Variants in C1GALT1C1L observed in about 807,000 individuals in gnomAD.
C1GALT1C1L encodes C1GALT1-specific chaperone 1-like protein.
Under a neutral mutation model 0.5 loss-of-function variants are expected in C1GALT1C1L, and 1 was observed. That is an observed-to-expected ratio of 2.11 (90% CI 0.75 to 10.02). The LOEUF (loss-of-function observed/expected upper bound fraction) is 10.02. C1GALT1C1L is among the 30% of genes most tolerant of loss of function. C1GALT1C1L has a pLI of 0.13. For synonymous variants in C1GALT1C1L, 148 were observed against 132.6 expected, an observed-to-expected ratio of 1.12 and a Z score of -0.80; for missense variants, 444 against 375.5, an observed-to-expected ratio of 1.18 and a Z score of -1.51.
chr2:43,675,797 G>C lies in C1GALT1C1L; in HGVS notation c.526C>G (p.Leu176Val). 4 of 1,613,744 alleles carry C rather than the reference G, an allele frequency of 2.5e-6. No homozygotes were observed. In the South Asian group the frequency reaches 3.3e-5, roughly 13 times the overall value. Residue 176 changes from leucine (L) to valine (V), a missense_variant, in exon 1 of 1, where the codon CTC becomes GTC. Coordinates refer to ENST00000475092, the MANE Select transcript of C1GALT1C1L (RefSeq NM_001101330.3). ...YLGHTVIFGD[L>V]EYVTVEGGIV... Reference sequence around the variant, plus strand: ...CCTCCTTCCACAGTCACGTATTCGAGGTCTCCAAATATAACAGTGTGGCCC... The same window carrying C: ...CCTCCTTCCACAGTCACGTATTCGACGTCTCCAAATATAACAGTGTGGCCC...
Position 43,675,809 on chromosome 2 carries a change from T to C in C1GALT1C1L, c.514A>G (p.Ile172Val), listed in dbSNP as rs142882858. ...SQPFYLGHTVIFGDLEYVTVE... is the reference protein window; with the variant it reads ...SQPFYLGHTVVFGDLEYVTVE... ...GTCACGTATTCGAGGTCTCCAAATA[T>C]AACAGTGTGGCCCAGATAGAAGGGC... is the stretch of plus-strand genomic sequence containing the variant. The change falls in exon 1 of 1, where the codon ATA becomes GTA. Residue 172 changes from isoleucine to valine, a missense_variant. By Grantham distance (29) the Ile-to-Val change is conservative. Coordinates refer to ENST00000475092, the MANE Select transcript of C1GALT1C1L (RefSeq NM_001101330.3). The C allele has an allele frequency of 1.9e-6, 3 of 1,613,918 alleles. No homozygotes were observed. The highest frequency in any genetic ancestry group is 1.3e-5 in the African/African-American group (1 of 75,028).
Position 43,675,195 on chromosome 2 carries a change from A to G in C1GALT1C1L, c.*180T>C. On this transcript the variant is annotated 3_prime_UTR_variant, in exon 1 of 1. Transcript: ENST00000475092. The stretch of plus-strand genomic sequence containing the variant: ...TTATTTAATGCAAAATATCCAAAAC[A>G]TTATTTCAATGTGGAGTCAATATGA... 1 of 445,694 alleles carries G rather than the reference A, an allele frequency of 2.2e-6. No homozygotes were observed. The highest frequency in any genetic ancestry group is 3.9e-6 in the Non-Finnish European group (1 of 255,724). 27.6% of individuals were successfully genotyped at this position (445,694 alleles called of 1,614,324 possible). A position where few individuals can be genotyped will look rare whatever the true frequency, so the allele number is the denominator to read the frequency against.
chr2:43,676,052 A>G lies in C1GALT1C1L; in HGVS notation c.271T>C (p.Trp91Arg). Residue 91 changes from tryptophan (W) to arginine (R), a missense_variant, in exon 1 of 1, where the codon TGG becomes CGG. By Grantham distance (101) the Trp-to-Arg change is moderately radical. Transcript: ENST00000475092. ...ESYWAVLKETWTKHCDKAELY... is the reference protein window; with the variant it reads ...ESYWAVLKETRTKHCDKAELY... ...TCTGCTTTGTCACAGTGTTTGGTCC[A>G]GGTCTCTTTCAGTACAGCCCAGTAA... is the stretch of plus-strand genomic sequence containing the variant. The G allele has an allele frequency of 6.2e-7, 1 of 1,613,986 alleles. No homozygotes were observed. Among genetic ancestry groups the G allele is most frequent in the African/African-American group, 1.3e-5 (1 of 75,034 alleles).
chr2:43,676,051 C>T, the C1GALT1C1L span: 8 of 1,613,926 alleles, frequency 5.0e-6, no homozygotes, highest in Non-Finnish European at 4.2e-6. Context: ...GTGTTTGGTC[C>T]AGGTCTCTTT....
rs146910932 is a variant in C1GALT1C1L at position 43,675,330 on chromosome 2, A to T, written c.*45T>A. On this transcript the variant is annotated 3_prime_UTR_variant, in exon 1 of 1. Coordinates refer to ENST00000475092, the MANE Select transcript of C1GALT1C1L (RefSeq NM_001101330.3). ...CTGTATCAGAATTTGGACTAGCCAC[A>T]TTTCAAGTGCTCTTGGACAGCACAG... The T allele has an allele frequency of 3.0e-4, 418 of 1,382,584 alleles. No homozygotes were observed. The African/African-American group carries it at 5.7e-3, about 19-fold the overall frequency. The allele number at this position is 1,382,584 out of a possible 1,614,324, so 85.6% of individuals were successfully genotyped here.
Position 43,675,550 on chromosome 2 carries a change from T to C in C1GALT1C1L, c.773A>G (p.Asn258Ser), listed in dbSNP as rs749577300. The C allele has an allele frequency of 3.1e-6, 5 of 1,613,966 alleles. No individual in the cohort carries two copies. Among genetic ancestry groups the C allele is most frequent in the Admixed American group, 3.3e-5 (2 of 60,016 alleles). Residue 258 changes from asparagine to serine, a missense_variant, in exon 1 of 1, where the codon AAT (asparagine) becomes AGT (serine). Asn to Ser is a conservative substitution (Grantham distance 46). Transcript: ENST00000475092. ...GCCTTCTACTACTTGCTGAGGGTTA[T>C]TAGACAATGCCTCTTCAATAAGCTG... The part of the protein sequence containing the change: ...IAQLIEEALS[N>S]NPQQVVEGCC...
rs759068464 is a variant in C1GALT1C1L, at chr2:43,675,487, G to A, written c.836C>T (p.Thr279Ile). Residue 279 changes from threonine to isoleucine, a missense_variant, in exon 1 of 1, where the codon ACC (threonine) becomes ATC (isoleucine). Physicochemically the swap from Thr to Ile is moderately conservative, Grantham distance 89. Transcript: ENST00000475092. ...CATCATTACTTCCATCTTTTGGGGG[G>A]TCAGTCCATTGAAAGTAATAGCCAT... Reference protein sequence around the residue: ...SDMAITFNGLTPQKMEVMMYG... With the variant: ...SDMAITFNGLIPQKMEVMMYG... 3.1e-6 allele frequency: 5 copies of A among 1,613,808 alleles called. No individual in the cohort carries two copies. The highest frequency in any genetic ancestry group is 2.2e-5 in the East Asian group (1 of 44,890).
Position 43,675,960 on chromosome 2 carries a change from C to T in C1GALT1C1L, c.363G>A (p.Arg121=), listed in dbSNP as rs756926163. 6.2e-7 allele frequency: 1 copy of T among 1,613,836 alleles called. No individual in the cohort carries two copies. The highest frequency in any genetic ancestry group is 8.5e-7 in the Non-Finnish European group (1 of 1,179,890). ...IESNDRWVQM[R]TAYKYVFEKY... is the part of the protein sequence containing the mutation. ...TTTCAAAGACGTATTTGTAAGCGGT[C>T]CTCATCTGTACCCACCTGTCATTAC... Residue 121 remains arginine, a synonymous_variant, in exon 1 of 1, where the codon AGG becomes AGA. Transcript: ENST00000475092.
rs752004306 is a variant in C1GALT1C1L at position 43,675,780 on chromosome 2, C to T, written c.543G>A (p.Val181=). Residue 181 remains valine, a synonymous_variant, in exon 1 of 1, where the codon GTG becomes GTA. Transcript: ENST00000475092. ...CTCTGCTTAAGACAATCCCTCCTTC[C>T]ACAGTCACGTATTCGAGGTCTCCAA... ...VIFGDLEYVT[V]EGGIVLSREL... 2 of 1,613,644 alleles carry T rather than the reference C, an allele frequency of 1.2e-6. No homozygotes were observed. The highest frequency in any genetic ancestry group is 1.3e-5 in the African/African-American group (1 of 75,014).
chr2:43,676,199 G>C lies in C1GALT1C1L; in HGVS notation c.124C>G (p.His42Asp). Residue 42 changes from histidine to aspartate, a missense_variant, in exon 1 of 1, where the codon CAC becomes GAC. Physicochemically the swap from His to Asp is moderately conservative, Grantham distance 81. Coordinates refer to ENST00000475092, the MANE Select transcript of C1GALT1C1L (RefSeq NM_001101330.3). ...RHRGQTQDHE[H>D]HHLRPPNRND... Reference sequence around the variant, plus strand: ...CTGTTAGGTGGACGAAGGTGATGGTGCTCGTGGTCTTGAGTTTGACCTCTG... The same window carrying C: ...CTGTTAGGTGGACGAAGGTGATGGTCCTCGTGGTCTTGAGTTTGACCTCTG... 6.2e-7 allele frequency: 1 copy of C among 1,614,028 alleles called. No individual in the cohort carries two copies.
Position 43,675,351 on chromosome 2 carries a change from C to G in C1GALT1C1L, c.*24G>C. The G allele has an allele frequency of 6.6e-7, 1 of 1,518,212 alleles. No individual in the cohort carries two copies. Among genetic ancestry groups the G allele is most frequent in the South Asian group, 1.3e-5 (1 of 75,412 alleles). 94.0% of individuals were successfully genotyped at this position (1,518,212 alleles called of 1,614,324 possible). A position where few individuals can be genotyped will look rare whatever the true frequency, so the allele number is the denominator to read the frequency against. ...CCACATTTCAAGTGCTCTTGGACAG[C>G]ACAGGTCTATTATTCTCCAGGCCTC... On this transcript the variant is annotated 3_prime_UTR_variant, in exon 1 of 1. Transcript: ENST00000475092.
At position 43,676,017 on chromosome 2, in the gene C1GALT1C1L, A is replaced by G. The variant is rs997039651; in HGVS notation, c.306T>C (p.Asp102=). 1.9e-6 allele frequency: 3 copies of G among 1,613,982 alleles called. No homozygotes were observed. The highest frequency in any genetic ancestry group is 1.7e-6 in the Non-Finnish European group (2 of 1,179,888). ...TKHCDKAELY[D]TKNDNLFNIE... Reference sequence around the variant, plus strand: ...TATTGAACAAATTATCATTTTTAGTATCGTAGAGCTCTGCTTTGTCACAGT... The same window carrying G: ...TATTGAACAAATTATCATTTTTAGTGTCGTAGAGCTCTGCTTTGTCACAGT... Residue 102 remains aspartate, a synonymous_variant, in exon 1 of 1, where the codon GAT becomes GAC. Transcript: ENST00000475092.
chr2:43,675,567 A>T lies in C1GALT1C1L; in HGVS notation c.756T>A (p.Ile252=), dbSNP rs1355559255. Residue 252 remains isoleucine, a synonymous_variant, in exon 1 of 1, where the codon ATT becomes ATA. Coordinates refer to ENST00000475092, the MANE Select transcript of C1GALT1C1L (RefSeq NM_001101330.3). ...VFNTKPIAQL[I]EEALSNNPQQ... ...GAGGGTTATTAGACAATGCCTCTTC[A>T]ATAAGCTGTGCGATTGGTTTTGTAT... is the stretch of plus-strand genomic sequence containing the variant. 6.2e-7 allele frequency: 1 copy of T among 1,613,866 alleles called. No individual in the cohort carries two copies. The highest frequency in any genetic ancestry group is 2.2e-5 in the East Asian group (1 of 44,882).
At position 43,675,766 on chromosome 2, in the gene C1GALT1C1L, A is replaced by T; in HGVS notation, c.557T>A (p.Val186Asp). Residue 186 changes from valine (V) to aspartate (D), a missense_variant, in exon 1 of 1, where the codon GTC becomes GAC. Transcript: ENST00000475092. ...LEYVTVEGGIVLSRELMKRLN... is the reference protein window; with the variant it reads ...LEYVTVEGGIDLSRELMKRLN... ...TCTTTTCATCAACTCTCTGCTTAAG[A>T]CAATCCCTCCTTCCACAGTCACGTA... 6.2e-7 allele frequency: 1 copy of T among 1,613,770 alleles called. No homozygotes were observed. The highest frequency in any genetic ancestry group is 8.5e-7 in the Non-Finnish European group (1 of 1,179,764).
rs762154095 is a variant in C1GALT1C1L, at chr2:43,676,359, CAGCCTGGGACCGG to C, written c.-50_-38del. 6.6e-7 allele frequency: 1 copy of C among 1,516,054 alleles called. No individual in the cohort carries two copies. The highest frequency in any genetic ancestry group is 1.3e-5 in the South Asian group (1 of 76,764). 93.9% of individuals were successfully genotyped at this position (1,516,054 alleles called of 1,614,324 possible). ...TAGGACAGTGTGCCAGGGTCAAAGG[CAGCCTGGGACCGG>C]GTCCTGGGGTCCCGCGCCTTCCGGA... On this transcript the variant is annotated 5_prime_UTR_variant, in exon 1 of 1. Transcript: ENST00000475092.
chr2:43,676,294 A>T lies in C1GALT1C1L; in HGVS notation c.29T>A (p.Phe10Tyr). 1 of 1,611,958 alleles carries T rather than the reference A, an allele frequency of 6.2e-7. No individual in the cohort carries two copies. The highest frequency in any genetic ancestry group is 8.5e-7 in the Non-Finnish European group (1 of 1,179,080). MVSASGTSF[F>Y]KGMLLGSISW... The stretch of plus-strand genomic sequence containing the variant: ...AATGCTCCCAAGCAACATACCCTTA[A>T]AAAATGATGTCCCACTAGCGGAAAC... Residue 10 changes from phenylalanine to tyrosine, a missense_variant, in exon 1 of 1, where the codon TTT (phenylalanine) becomes TAT (tyrosine). Physicochemically the swap from Phe to Tyr is conservative, Grantham distance 22. Coordinates refer to ENST00000475092, the MANE Select transcript of C1GALT1C1L (RefSeq NM_001101330.3).
In C1GALT1C1L at chr2:43,675,218, T is replaced by A; in HGVS notation, c.*157A>T. The A allele has an allele frequency of 2.1e-6, 1 of 468,440 alleles. No individual in the cohort carries two copies. The highest frequency in any genetic ancestry group is 3.2e-5 in the East Asian group (1 of 31,110). 29.0% of individuals were successfully genotyped at this position (468,440 alleles called of 1,614,324 possible). On this transcript the variant is annotated 3_prime_UTR_variant, in exon 1 of 1. Coordinates refer to ENST00000475092, the MANE Select transcript of C1GALT1C1L (RefSeq NM_001101330.3). ...ACATTATTTCAATGTGGAGTCAATATGAAATATTACTGAGATGTTTTACAT... is the reference window on the plus strand; with the variant it reads ...ACATTATTTCAATGTGGAGTCAATAAGAAATATTACTGAGATGTTTTACAT...
rs769065368 is a variant in C1GALT1C1L, at chr2:43,675,474, C to A, written c.849G>T (p.Met283Ile). The change falls in exon 1 of 1, where the codon ATG becomes ATT. Residue 283 changes from methionine to isoleucine, a missense_variant. Met to Ile is a conservative substitution (Grantham distance 10). Coordinates refer to ENST00000475092, the MANE Select transcript of C1GALT1C1L (RefSeq NM_001101330.3). ...ITFNGLTPQKMEVMMYGLYRL... is the reference protein window; with the variant it reads ...ITFNGLTPQKIEVMMYGLYRL... ...GGTACAGGCCATACATCATTACTTC[C>A]ATCTTTTGGGGGGTCAGTCCATTGA... 6.2e-7 allele frequency: 1 copy of A among 1,614,002 alleles called. No homozygotes were observed. The highest frequency in any genetic ancestry group is 1.1e-5 in the South Asian group (1 of 91,076).
rs775454882 is a variant in C1GALT1C1L, at chr2:43,676,369, C to T, written c.-47G>A. ...TGCCAGGGTCAAAGGCAGCCTGGGA[C>T]CGGGTCCTGGGGTCCCGCGCCTTCC... is the stretch of plus-strand genomic sequence containing the variant. On this transcript the variant is annotated 5_prime_UTR_variant, in exon 1 of 1. Transcript: ENST00000475092. 4.9e-5 allele frequency: 73 copies of T among 1,493,222 alleles called. 1 individual carries two copies. The Middle Eastern group carries it at 5.3e-4, about 11-fold the overall frequency. 92.5% of individuals were successfully genotyped at this position (1,493,222 alleles called of 1,614,324 possible). A position where few individuals can be genotyped will look rare whatever the true frequency, so the allele number is the denominator to read the frequency against.
Sources: gnomAD v4.1 joint callset for allele counts on GRCh38, gnomAD v4.1.1 for gene constraint, MANE v1.5 for transcripts, NCBI Gene and HGNC (gene_info 2026-07-23, HGNC 2026-07-21) for gene names.